Variants in DNAI7 observed in about 807,000 individuals in gnomAD.
DNAI7 encodes cancer susceptibility 1.
In DNAI7, 78 loss-of-function variants were observed where a neutral mutation model predicts 86.6. That is an observed-to-expected ratio of 0.90 (90% CI 0.75 to 1.09). DNAI7 has a LOEUF of 1.09. DNAI7 is among the 50% of genes least tolerant of loss of function. The probability of loss-of-function intolerance (pLI) is 0.00; values close to 1 mark genes in which losing one functional copy is unlikely to be tolerated. For synonymous variants in DNAI7, 274 were observed against 273.0 expected (o/e 1.00, Z -0.04); for missense variants, 753 against 810.2 (o/e 0.93, Z 0.86).
Position 25,108,591 on chromosome 12 carries a change from A to ACATT in DNAI7, c.2125_2126insAATG (p.Val709GlufsTer42). On this transcript the variant is annotated frameshift_variant, in exon 16 of 16. Transcript: ENST00000395987. LOFTEE classifies it high-confidence loss of function. ...TCTGGTAGAGAGCAGCATGTGGCAC[A>ACATT]CAGAGTTGACAAACTGACAGTTGGA... 6.2e-7 allele frequency: 1 copy of ACATT among 1,613,958 alleles called. No homozygotes were observed. Among genetic ancestry groups the ACATT allele is most frequent in the Non-Finnish European group, 8.5e-7 (1 of 1,179,932 alleles).
At chr12:25,134,838 G>A (rs1441435167) in intron 9 of DNAI7, among the ~76,000 whole-genome samples, 1 of 152,148 alleles carries the variant, frequency 6.6e-6, no homozygotes, top group Non-Finnish European at 1.5e-5. Flanking sequence ...CCCACTAGCT[G>A]TCTACACTAA....
At chr12:25,117,942 T>TTC (rs72002800) in intron 12 of DNAI7, among the ~76,000 whole-genome samples, 19 of 35,624 alleles carry the variant, frequency 5.3e-4, no homozygotes, top group African/African-American at 9.2e-4. Flanking sequence ...CTTTTTCTTT[T>TTC]TTTTTTTTTT....
intron 3 of DNAI7, among the ~76,000 whole-genome samples, chr12:25,160,312 TTTCTC>T (rs1946693904): frequency 6.6e-6 from 1 of 152,238 alleles, no homozygotes; most frequent in African/African-American, 2.4e-5. Context: ...GAATTCTAAA[TTTCTC>T]TTCAAAGAAT....
chr12:25,192,249 C>T (rs1950592562), intron 1 of DNAI7, among the ~76,000 whole-genome samples: 1 of 152,122 alleles, frequency 6.6e-6, no homozygotes, highest in Non-Finnish European at 1.5e-5. Context: ...ATGTAAATAG[C>T]ATTGCTCCAG....
At chr12:25,150,401 A>ACGAGGTCAGGAGATCG (rs1565734971) in intron 6 of DNAI7, among the ~76,000 whole-genome samples, 1 of 151,838 alleles carries the variant, frequency 6.6e-6, no homozygotes, top group Non-Finnish European at 1.5e-5. Context: ...TCAGGAGATC[A>ACGAGGTCAGGAGATCG]AGACTATCCT....
At chr12:25,193,752 A>G (rs1414074133) in intron 1 of DNAI7, among the ~76,000 whole-genome samples, 1 of 152,222 alleles carries the variant, frequency 6.6e-6, no homozygotes, top group East Asian at 1.9e-4. Flanking sequence ...CCCCCAATTT[A>G]TTAGCAATTA....
In DNAI7 at chr12:25,114,622, A is replaced by G. The variant is rs1438579639; in HGVS notation, c.1611+34T>C. On this transcript the variant is annotated intron_variant, in intron 13 of 15. Coordinates refer to ENST00000395987, the MANE Select transcript of DNAI7 (RefSeq NM_018272.5). ...TCCATCAAAATGGTTTACCTCTGAT[A>G]CGATAGTACATAACAGCTACAAGAG... is the stretch of plus-strand genomic sequence containing the variant. 4 of 1,421,734 alleles carry G rather than the reference A, an allele frequency of 2.8e-6. No homozygotes were observed. The Admixed American group carries it at 6.8e-5, about 24-fold the overall frequency. The allele number at this position is 1,421,734 out of a possible 1,614,324, so 88.1% of individuals were successfully genotyped here.
In DNAI7 at chr12:25,192,833, C is replaced by CAAA. The variant is rs34334672; in HGVS notation, c.4-2205_4-2203dup. On this transcript the variant is annotated intron_variant, in intron 1 of 15. Coordinates refer to ENST00000395987, the MANE Select transcript of DNAI7 (RefSeq NM_018272.5). Reference sequence around the variant, plus strand: ...TGGGCAACAGAGCGAAACTCTGCCTCAAAAAAAAAAAAAAAAAAAAAAATC... The same window carrying CAAA: ...TGGGCAACAGAGCGAAACTCTGCCTCAAAAAAAAAAAAAAAAAAAAAAAAAATC... 8.1e-3 allele frequency: 653 copies of CAAA among 80,964 alleles called. 13 individuals are homozygous for CAAA. The highest frequency in any genetic ancestry group is 0.044 in the East Asian group (125 of 2,858). The allele number at this position is 80,964 out of a possible 1,614,324, so 5.0% of individuals were successfully genotyped here. A position where few individuals can be genotyped will look rare whatever the true frequency, so the allele number is the denominator to read the frequency against.
intron 9 of DNAI7, among the ~76,000 whole-genome samples, chr12:25,125,725 G>C (rs1442774764): frequency 2.0e-5 from 3 of 151,982 alleles, no homozygotes; most frequent in Non-Finnish European, 4.4e-5. Context: ...TGTCTTTCAG[G>C]GTTTTTATAA....
intron 14 of DNAI7, among the ~76,000 whole-genome samples, chr12:25,110,828 G>A (rs994028256): frequency 6.6e-6 from 1 of 151,180 alleles, no homozygotes; most frequent in Non-Finnish European, 1.5e-5. Flanking sequence ...GTTTTCCTTC[G>A]ACTGTGAAAG....
At chr12:25,188,599 G>A (rs944905140) in intron 2 of DNAI7, among the ~76,000 whole-genome samples, 5 of 151,052 alleles carry the variant, frequency 3.3e-5, no homozygotes, top group East Asian at 3.9e-4. Context: ...ACTTGAACCC[G>A]GGAGGCGAAG....
chr12:25,110,626 A>T (rs1479732374), intron 14 of DNAI7, among the ~76,000 whole-genome samples: 8 of 152,128 alleles, frequency 5.3e-5, no homozygotes, highest in African/African-American at 1.9e-4. Flanking sequence ...CTGCTTCCCC[A>T]GATGTGCACA....
intron 1 of DNAI7, among the ~76,000 whole-genome samples, chr12:25,191,839 G>A (rs1950550740): frequency 6.6e-6 from 1 of 152,214 alleles, no homozygotes; most frequent in Non-Finnish European, 1.5e-5. Flanking sequence ...AAGACTCACA[G>A]TTACAATAAT....
At chr12:25,148,453 T>C (rs1435689427) in intron 7 of DNAI7, among the ~76,000 whole-genome samples, 1 of 152,222 alleles carries the variant, frequency 6.6e-6, no homozygotes, top group Non-Finnish European at 1.5e-5. Flanking sequence ...TGAGGTCAAA[T>C]ACTTTGGCAC....
At chr12:25,175,023 G>C (rs1049730909) in intron 2 of DNAI7, among the ~76,000 whole-genome samples, 1 of 151,702 alleles carries the variant, frequency 6.6e-6, no homozygotes, top group East Asian at 1.9e-4. Flanking sequence ...ATACTGCTCG[G>C]GTGATGGGTG....
chr12:25,129,623 T>C (rs1942606074), intron 9 of DNAI7, among the ~76,000 whole-genome samples: 1 of 152,198 alleles, frequency 6.6e-6, no homozygotes, highest in African/African-American at 2.4e-5. Context: ...TCCATACTTT[T>C]CCCTCTGACC....
At chr12:25,156,920 G>A (rs371765906) in intron 4 of DNAI7, among the ~76,000 whole-genome samples, 27 of 152,234 alleles carry the variant, frequency 1.8e-4, no homozygotes, top group East Asian at 1.2e-3. Flanking sequence ...TCTGTTCAGA[G>A]GGTAAGATAG....
Position 25,190,638 on chromosome 12 carries a change from G to A in DNAI7, c.4-7C>T. The A allele has an allele frequency of 2.8e-6, 4 of 1,406,372 alleles. No individual in the cohort carries two copies. Among genetic ancestry groups the A allele is most frequent in the East Asian group, 2.4e-5 (1 of 41,344 alleles). 87.1% of individuals were successfully genotyped at this position (1,406,372 alleles called of 1,614,324 possible). A position where few individuals can be genotyped will look rare whatever the true frequency, so the allele number is the denominator to read the frequency against. ...CCTTTTTTGCTTTGGGACCCTAAAAGTTGGAAAACAAAAGAATTGATCAAT... is the reference window on the plus strand; with the variant it reads ...CCTTTTTTGCTTTGGGACCCTAAAAATTGGAAAACAAAAGAATTGATCAAT... On this transcript the variant is annotated splice_polypyrimidine_tract_variant and splice_region_variant and intron_variant, in intron 1 of 15. Coordinates refer to ENST00000395987, the MANE Select transcript of DNAI7 (RefSeq NM_018272.5).
At position 25,149,711 on chromosome 12, in the gene DNAI7, T is replaced by G; in HGVS notation, c.502A>C (p.Ile168Leu). The change falls in exon 7 of 16, where the codon ATA becomes CTA. Residue 168 changes from isoleucine (I) to leucine (L), a missense_variant. Coordinates refer to ENST00000395987, the MANE Select transcript of DNAI7 (RefSeq NM_018272.5). Reference protein sequence around the residue: ...TPPCDLQDKNIIQYQESILQL... With the variant: ...TPPCDLQDKNLIQYQESILQL... ...AGTATTGATTCTTGGTACTGTATTA[T>G]ATTTTTATCTTGCAAATCACATGGT... is the stretch of plus-strand genomic sequence containing the variant. 1.9e-6 allele frequency: 3 copies of G among 1,576,730 alleles called. No homozygotes were observed.
Sources: allele counts gnomAD v4.1 joint callset (sites outside exome capture counted in the v4.1 genomes callset), GRCh38; gene constraint gnomAD v4.1.1; transcripts MANE v1.5; gene names NCBI Gene and HGNC (gene_info 2026-07-23, HGNC 2026-07-21).